The following SLC25A25 variants were observed in gnomAD, a reference collection of about 807,000 sequenced individuals.
SLC25A25 encodes mitochondrial adenyl nucleotide antiporter SLC25A25.
In SLC25A25, 32 loss-of-function variants were observed where a neutral mutation model predicts 57.7. The observed-to-expected ratio is 0.55, with a 90% CI of 0.42 to 0.74. The LOEUF (loss-of-function observed/expected upper bound fraction) is 0.74. Ranked by LOEUF, SLC25A25 falls within the 30% of genes least tolerant of loss-of-function variation. SLC25A25 has a pLI of 0.00. For synonymous variants in SLC25A25, 306 were observed against 291.2 expected, an observed-to-expected ratio of 1.05 and a Z score of -0.52; for missense variants, 556 against 701.3, an observed-to-expected ratio of 0.79 and a Z score of 2.34.
At chr9:128,097,704 C>T (rs1210444462) in intron 1 of SLC25A25, among the ~76,000 whole-genome samples, 1 of 152,228 alleles carries the variant, frequency 6.6e-6, no homozygotes, top group Non-Finnish European at 1.5e-5. Context: ...CTGTGGGTCT[C>T]ATGTGAGGCC....
In SLC25A25 at chr9:128,099,378, C is replaced by T. The variant is rs1033077937; in HGVS notation, c.262-1718C>T. ...AAGCACTTTGAGAATGCGTTGAAGCCAGCTGCGGTGAGCACACCCTCTGCT... is the reference window on the plus strand; with the variant it reads ...AAGCACTTTGAGAATGCGTTGAAGCTAGCTGCGGTGAGCACACCCTCTGCT... On this transcript the variant is annotated intron_variant, in intron 1 of 10. Coordinates refer to ENST00000373069, the MANE Select transcript of SLC25A25 (RefSeq NM_001330988.2). This position sits in a 1 kb window ranked among gnomAD's most constrained non-coding sequence, Gnocchi z 6.8. 6 of 1,203,756 alleles carry T rather than the reference C, an allele frequency of 5.0e-6. No homozygotes were observed. In the African/African-American group the frequency reaches 8.2e-5, roughly 16 times the overall value. 74.6% of individuals were successfully genotyped at this position (1,203,756 alleles called of 1,614,324 possible).
At position 128,105,701 on chromosome 9, in the gene SLC25A25, C is replaced by T. The variant is rs185336053; in HGVS notation, c.784-28C>T. 2.7e-3 allele frequency: 4,345 copies of T among 1,611,674 alleles called. 7 individuals are homozygous for T. The highest frequency in any genetic ancestry group is 3.2e-3 in the Non-Finnish European group (3,761 of 1,179,962). ...GAGGCAGCCTGTGGCCCCCCGGGTC[C>T]GTCTGACTGTTCGGTCCTCCCTCCC... is the stretch of plus-strand genomic sequence containing the variant. On this transcript the variant is annotated intron_variant, in intron 6 of 10. Transcript: ENST00000373069.
At position 128,101,269 on chromosome 9, in the gene SLC25A25, C is replaced by T. The variant is rs776893947; in HGVS notation, c.389-40C>T. 1 of 1,614,212 alleles carries T rather than the reference C, an allele frequency of 6.2e-7. No individual in the cohort carries two copies. The highest frequency in any genetic ancestry group is 1.1e-5 in the South Asian group (1 of 91,090). On this transcript the variant is annotated intron_variant, in intron 2 of 10. Transcript: ENST00000373069. The surrounding 1 kb of genome is among the most constrained non-coding windows in gnomAD (Gnocchi z 4.9). ...GTGGCCGGTCCAGCCTCGGGCCTCC[C>T]CGTGCGCCTGGCTCCTGCTCACGGC...
At chr9:128,082,527 C>T (rs1180227284) in intron 1 of SLC25A25, among the ~76,000 whole-genome samples, 3 of 152,240 alleles carry the variant, frequency 2.0e-5, no homozygotes, top group African/African-American at 7.2e-5. Context: ...CTGGAATAGC[C>T]TGGCACTGCC....
Position 128,101,532 on chromosome 9 carries a change from CCT to C in SLC25A25, c.476+137_476+138del, listed in dbSNP as rs994120244. On this transcript the variant is annotated intron_variant, in intron 3 of 10. Coordinates refer to ENST00000373069, the MANE Select transcript of SLC25A25 (RefSeq NM_001330988.2). This position sits in a 1 kb window ranked among gnomAD's most constrained non-coding sequence, Gnocchi z 4.9. ...GGTTTGAAAGGATGAATAAGTAACC[CCT>C]GTGGGAGGCCAGCCCCTCCCCAGGG... The C allele has an allele frequency of 2.2e-6, 2 of 925,084 alleles. No homozygotes were observed. Among genetic ancestry groups the C allele is most frequent in the African/African-American group, 3.3e-5 (2 of 60,196 alleles). The allele number at this position is 925,084 out of a possible 1,614,324, so 57.3% of individuals were successfully genotyped here. A position where few individuals can be genotyped will look rare whatever the true frequency, so the allele number is the denominator to read the frequency against.
chr9:128,100,833 G>C, intron 1 of SLC25A25: 1 of 470,296 alleles, frequency 2.1e-6, no homozygotes, highest in Non-Finnish European at 3.8e-6. Flanking sequence ...CTCTTCCCAG[G>C]CTCCTTGTTT....
chr9:128,070,690 G>A (rs376579230), intron 1 of SLC25A25, among the ~76,000 whole-genome samples: 5 of 151,486 alleles, frequency 3.3e-5, no homozygotes, highest in Admixed American at 6.6e-5. Context: ...AGTGGCTTAC[G>A]CCTGTAATCC....
intron 1 of SLC25A25, among the ~76,000 whole-genome samples, chr9:128,086,754 G>A (rs949766557): frequency 2.0e-5 from 3 of 152,220 alleles, no homozygotes; most frequent in Non-Finnish European, 2.9e-5. Context: ...GGGATTACAG[G>A]TGAGAGCCAC....
chr9:128,081,288 TAA>T (rs1833150752), intron 1 of SLC25A25, among the ~76,000 whole-genome samples: 1 of 152,214 alleles, frequency 6.6e-6, no homozygotes, highest in Non-Finnish European at 1.5e-5. Context: ...TGGTGAGAGT[TAA>T]GTTTGTGTTG....
chr9:128,107,206 G>A (rs746973476), intron 10 of SLC25A25, 27 bp downstream of exon 10: 21 of 1,613,292 alleles, frequency 1.3e-5, no homozygotes, highest in Non-Finnish European at 1.7e-5. Context: ...ACAGTCCCCT[G>A]GGAGGTCGGG....
At position 128,101,944 on chromosome 9, in the gene SLC25A25, C is replaced by T. The variant is rs1833815244; in HGVS notation, c.477-136C>T. The T allele has an allele frequency of 1.0e-6, 1 of 1,002,426 alleles. No individual in the cohort carries two copies. The highest frequency in any genetic ancestry group is 1.6e-5 in the African/African-American group (1 of 62,852). The allele number at this position is 1,002,426 out of a possible 1,614,324, so 62.1% of individuals were successfully genotyped here. A position where few individuals can be genotyped will look rare whatever the true frequency, so the allele number is the denominator to read the frequency against. Reference sequence around the variant, plus strand: ...TCCTCGGGGACAGCAGCCCTGGGCTCAGCTGCTGTGGCGGGCTCGTCTCGT... The same window carrying T: ...TCCTCGGGGACAGCAGCCCTGGGCTTAGCTGCTGTGGCGGGCTCGTCTCGT... On this transcript the variant is annotated intron_variant, in intron 3 of 10. Transcript: ENST00000373069. This position sits in a 1 kb window ranked among gnomAD's most constrained non-coding sequence, Gnocchi z 4.9.
At chr9:128,081,785 G>T (rs891250809) in intron 1 of SLC25A25, among the ~76,000 whole-genome samples, 2 of 152,016 alleles carry the variant, frequency 1.3e-5, no homozygotes, top group Non-Finnish European at 2.9e-5. Flanking sequence ...TAAAAAATTA[G>T]CCAGGCATGC....
chr9:128,080,806 A>G (rs1004719312), intron 1 of SLC25A25, among the ~76,000 whole-genome samples: 1 of 152,140 alleles, frequency 6.6e-6, no homozygotes, highest in Non-Finnish European at 1.5e-5. Context: ...TGGAATCCAT[A>G]TAATGTTAGA....
chr9:128,098,965 A>G, intron 1 of SLC25A25: 1 of 985,436 alleles, frequency 1.0e-6, no homozygotes, highest in Non-Finnish European at 1.2e-6. Context: ...ATGGACTTTC[A>G]GAAAGGAAAT....
intron 1 of SLC25A25, chr9:128,098,565 A>G (rs891856600): frequency 1.9e-6 from 3 of 1,611,164 alleles, no homozygotes; most frequent in East Asian, 4.5e-5. Context: ...CAGGCCGCCA[A>G]CATGCTCTGT....
intron 6 of SLC25A25, among the ~76,000 whole-genome samples, chr9:128,105,519 G>A (rs972032026): frequency 6.6e-6 from 1 of 152,150 alleles, no homozygotes; most frequent in South Asian, 2.1e-4. Context: ...GGACAAGGCT[G>A]GCAACCAGCA....
chr9:128,082,762 C>T (rs1350786130), intron 1 of SLC25A25, among the ~76,000 whole-genome samples: 1 of 152,196 alleles, frequency 6.6e-6, no homozygotes, highest in Non-Finnish European at 1.5e-5. Context: ...TCTCCTGCCT[C>T]AACCTCCCAA....
At chr9:128,068,776 G>C (rs958123681) in intron 1 of SLC25A25, among the ~76,000 whole-genome samples, 196 bp downstream of exon 1, 11 of 152,238 alleles carry the variant, frequency 7.2e-5, no homozygotes, top group African/African-American at 2.7e-4. Context: ...GGGTGCTTGA[G>C]CCGGGTTCTT....
In SLC25A25 at chr9:128,103,898, C is replaced by T; in HGVS notation, c.783+59C>T. 1 of 1,469,020 alleles carries T rather than the reference C, an allele frequency of 6.8e-7. No individual in the cohort carries two copies. Among genetic ancestry groups the T allele is most frequent in the South Asian group, 1.4e-5 (1 of 71,078 alleles). The allele number at this position is 1,469,020 out of a possible 1,614,324, so 91.0% of individuals were successfully genotyped here. A position where few individuals can be genotyped will look rare whatever the true frequency, so the allele number is the denominator to read the frequency against. On this transcript the variant is annotated intron_variant, in intron 6 of 10. Coordinates refer to ENST00000373069, the MANE Select transcript of SLC25A25 (RefSeq NM_001330988.2). This position sits in a 1 kb window ranked among gnomAD's most constrained non-coding sequence, Gnocchi z 6.7. Reference sequence around the variant, plus strand: ...GCCAGTTTCCACCTGGGGGATGCTGCTTGGCTAGTTTTCCCTTTCTCTGGC... The same window carrying T: ...GCCAGTTTCCACCTGGGGGATGCTGTTTGGCTAGTTTTCCCTTTCTCTGGC...
Sources: gnomAD v4.1 joint callset for allele counts (sites outside exome capture counted in the v4.1 genomes callset) on GRCh38, gnomAD v4.1.1 for gene constraint, Gnocchi (gnomAD v3.1) non-coding constraint, MANE v1.5 for transcripts, NCBI Gene and HGNC (gene_info 2026-07-23, HGNC 2026-07-21) for gene names.